Variants in CFAP54 observed in about 807,000 individuals in gnomAD.
CFAP54 encodes the protein cilia- and flagella-associated protein 54.
Under a neutral mutation model 370.4 loss-of-function variants are expected in CFAP54, and 290 were observed. The ratio of observed to expected loss-of-function variants is 0.78; its 90% CI spans 0.71 to 0.86. The LOEUF (loss-of-function observed/expected upper bound fraction) is 0.86. Ranked by LOEUF, CFAP54 falls within the 40% of genes least tolerant of loss-of-function variation. CFAP54 has a pLI of 0.00. For missense variants in CFAP54, 3,399 were observed against 3,528.7 expected, an observed-to-expected ratio of 0.96 and a Z score of 0.93; for synonymous variants, 1,206 against 1,236.5, an observed-to-expected ratio of 0.98 and a Z score of 0.52.
At chr12:96,704,343 T>C (rs906780042) in intron 46 of CFAP54, among the ~76,000 whole-genome samples, 11 of 147,586 alleles carry the variant, frequency 7.5e-5, no homozygotes, top group African/African-American at 1.0e-4. Context: ...AGGAGAATGG[T>C]GTGAACCCGG....
chr12:96,503,464 G>A (rs909733920), intron 2 of CFAP54, among the ~76,000 whole-genome samples: 2 of 119,972 alleles, frequency 1.7e-5, no homozygotes, highest in African/African-American at 6.4e-5. Context: ...TTTCTCTCTC[G>A]CTCGCTCGCT....
At chr12:96,782,871 G>A (rs1223398285) in intron 60 of CFAP54, among the ~76,000 whole-genome samples, 1 of 152,082 alleles carries the variant, frequency 6.6e-6, no homozygotes, top group Non-Finnish European at 1.5e-5. Context: ...TAGCAGCCTT[G>A]TTCATAACAG....
intron 67 of CFAP54, among the ~76,000 whole-genome samples, chr12:96,865,001 C>G (rs1202608499): frequency 6.6e-6 from 1 of 151,942 alleles, no homozygotes; most frequent in African/African-American, 2.4e-5. Flanking sequence ...TGAACAAGCC[C>G]CTAATGGGGT....
chr12:96,560,129 A>G (rs1955800040), intron 17 of CFAP54, among the ~76,000 whole-genome samples: 1 of 152,194 alleles, frequency 6.6e-6, no homozygotes, highest in Non-Finnish European at 1.5e-5. Flanking sequence ...TTGTGTTGAG[A>G]ACATCTCAAA....
At chr12:96,589,750 C>A (rs187925305) in intron 23 of CFAP54, among the ~76,000 whole-genome samples, 187 bp downstream of exon 23, 25 of 151,900 alleles carry the variant, frequency 1.6e-4, no homozygotes, top group Admixed American at 4.6e-4. Flanking sequence ...TTCTTTCTTT[C>A]TTTCTTTCTT....
At chr12:96,695,285 A>G (rs1459139456) in intron 45 of CFAP54, among the ~76,000 whole-genome samples, 1 of 152,088 alleles carries the variant, frequency 6.6e-6, no homozygotes, top group East Asian at 1.9e-4. Context: ...AATTTATCCC[A>G]TTTTCTAATA....
rs1276358594 is a variant in CFAP54 at position 96,512,577 on chromosome 12, G to A, written c.740-409G>A. On this transcript the variant is annotated intron_variant, in intron 4 of 67. Coordinates refer to ENST00000524981, the MANE Select transcript of CFAP54 (RefSeq NM_001306084.2). ...AGGCTGGTCTTGAGCTCCTGACCTC[G>A]TGATCCTCCCGCCTCAGGCTCCCAA... Among the ~76,000 whole-genome samples the A allele has an allele frequency of 3.3e-5, 5 of 151,724 alleles. No individual in the cohort carries two copies. In the South Asian group the frequency reaches 8.3e-4, roughly 25 times the overall value.
chr12:96,774,664 G>A (rs1958497581), intron 60 of CFAP54, among the ~76,000 whole-genome samples: 1 of 152,008 alleles, frequency 6.6e-6, no homozygotes, highest in Admixed American at 6.6e-5. Flanking sequence ...TTTTTATTGG[G>A]ATTACGTTAT....
chr12:96,680,177 G>A (rs1769971760), intron 40 of CFAP54, among the ~76,000 whole-genome samples: 1 of 152,178 alleles, frequency 6.6e-6, no homozygotes, highest in South Asian at 2.1e-4. Flanking sequence ...TTTAAAGCAA[G>A]CATCAACAAG....
intron 58 of CFAP54, among the ~76,000 whole-genome samples, chr12:96,761,101 A>G (rs533069869): frequency 2.6e-5 from 4 of 152,280 alleles, no homozygotes; most frequent in African/African-American, 9.6e-5. Context: ...TGAAGGTTGC[A>G]ATTTTTCCAC....
intron 5 of CFAP54, among the ~76,000 whole-genome samples, chr12:96,514,561 A>G (rs1315915263): frequency 6.6e-6 from 1 of 152,232 alleles, no homozygotes; most frequent in Admixed American, 6.5e-5. Context: ...AACAACAACA[A>G]ACATGGCTTC....
chr12:96,613,710 A>G (rs1049851468), intron 26 of CFAP54, among the ~76,000 whole-genome samples: 37 of 152,254 alleles, frequency 2.4e-4, no homozygotes, highest in Admixed American at 7.2e-4. Flanking sequence ...TCACAGAGAT[A>G]CAAACTATCA....
chr12:96,689,910 T>C lies in CFAP54; in HGVS notation c.6081+928T>C, dbSNP rs781269906. Among the ~76,000 whole-genome samples, 65 of 152,186 alleles carry C rather than the reference T, an allele frequency of 4.3e-4. 1 individual carries two copies. The highest frequency in any genetic ancestry group is 8.1e-4 in the Non-Finnish European group (55 of 68,026). Reference sequence around the variant, plus strand: ...TTATGAAATCTAAATAAGTGAGTTCTTCAGGAAGGCCTTCTCTGAATGGAA... The same window carrying C: ...TTATGAAATCTAAATAAGTGAGTTCCTCAGGAAGGCCTTCTCTGAATGGAA... On this transcript the variant is annotated intron_variant, in intron 43 of 67. Coordinates refer to ENST00000524981, the MANE Select transcript of CFAP54 (RefSeq NM_001306084.2).
chr12:96,647,585 A>G (rs1230547445), intron 33 of CFAP54, among the ~76,000 whole-genome samples: 1 of 151,302 alleles, frequency 6.6e-6, no homozygotes, highest in Non-Finnish European at 1.5e-5. Flanking sequence ...AGTTGAAATA[A>G]ATTATCGTTT....
chr12:96,586,931 A>T (rs1174793522), intron 22 of CFAP54, among the ~76,000 whole-genome samples: 1 of 152,216 alleles, frequency 6.6e-6, no homozygotes, highest in Non-Finnish European at 1.5e-5. Flanking sequence ...TGGCTTGGCC[A>T]GTGTGCTGGT....
At position 96,765,214 on chromosome 12, in the gene CFAP54, G is replaced by T. The variant is rs1395817243; in HGVS notation, c.8277G>T (p.Leu2759Phe). The change falls in exon 60 of 68, where the codon TTG becomes TTT. Residue 2759 changes from leucine to phenylalanine, a missense_variant. Leu to Phe is a conservative substitution (Grantham distance 22). Coordinates refer to ENST00000524981, the MANE Select transcript of CFAP54 (RefSeq NM_001306084.2). ...LDLLSSYTDY[L>F]LDNYQVLFQT... is the part of the protein sequence containing the mutation. ...TTTTGTCTTCGTATACAGATTATTT[G>T]CTTGGTATGTTTGGATGTCTACATA... The T allele has an allele frequency of 1.3e-6, 2 of 1,505,908 alleles. No individual in the cohort carries two copies. Among genetic ancestry groups the T allele is most frequent in the Admixed American group, 3.5e-5 (2 of 57,528 alleles). The allele number at this position is 1,505,908 out of a possible 1,614,324, so 93.3% of individuals were successfully genotyped here.
Position 96,493,595 on chromosome 12 carries a change from G to A in CFAP54, c.317+3669G>A, listed in dbSNP as rs556916193. Among the ~76,000 whole-genome samples, 233 of 152,254 alleles carry A rather than the reference G, an allele frequency of 1.5e-3. 2 individuals carry two copies. Among genetic ancestry groups the A allele is most frequent in the African/African-American group, 5.4e-3 (225 of 41,528 alleles). The stretch of plus-strand genomic sequence containing the variant: ...GGCTGGATCACGAGGTCAGGTATTT[G>A]AGACCAGCCTGGCCAACATAGTGAA... On this transcript the variant is annotated intron_variant, in intron 1 of 67. Transcript: ENST00000524981.
At chr12:96,686,101 A>G (rs943543062) in intron 42 of CFAP54, among the ~76,000 whole-genome samples, 15 of 152,208 alleles carry the variant, frequency 9.9e-5, no homozygotes, top group Non-Finnish European at 1.9e-4. Context: ...GGCTTAAACA[A>G]CAACTTTGTT....
At chr12:96,659,803 C>A (rs79179890) in intron 38 of CFAP54, among the ~76,000 whole-genome samples, 7,259 of 152,288 alleles carry the variant, frequency 0.048, 226 homozygotes, top group Non-Finnish European at 0.067. Flanking sequence ...GAAATCCAGC[C>A]CCTCCTTGCC....
Sources: allele counts gnomAD v4.1 joint callset (sites outside exome capture counted in the v4.1 genomes callset), GRCh38; gene constraint gnomAD v4.1.1; transcripts MANE v1.5; gene names NCBI Gene and HGNC (gene_info 2026-07-23, HGNC 2026-07-21).